The following SEMA5A variants were observed in gnomAD, a reference collection of about 807,000 sequenced individuals.
SEMA5A encodes the protein semaphorin-5A.
Under a neutral mutation model 135.5 loss-of-function variants are expected in SEMA5A, and 55 were observed. The ratio of observed to expected loss-of-function variants is 0.41; its 90% CI spans 0.33 to 0.51. The LOEUF (loss-of-function observed/expected upper bound fraction) is 0.51. Ranked by LOEUF, SEMA5A falls within the 20% of genes least tolerant of loss-of-function variation. The pLI is 0.37. For synonymous variants in SEMA5A, 580 were observed against 546.5 expected (o/e 1.06, Z -0.85); for missense variants, 1,290 against 1,419.9 (o/e 0.91, Z 1.47).
chr5:9,192,794 A>C (rs1329027310), intron 10 of SEMA5A, among the ~76,000 whole-genome samples: 1 of 152,214 alleles, frequency 6.6e-6, no homozygotes, highest in African/African-American at 2.4e-5. Context: ...GGTGATACCC[A>C]AGTCACGGCG....
chr5:9,140,449 T>C (rs1240004563), intron 12 of SEMA5A, among the ~76,000 whole-genome samples: 1 of 152,188 alleles, frequency 6.6e-6, no homozygotes, highest in East Asian at 1.9e-4. Flanking sequence ...TGTTGTTCTG[T>C]AGAAAAATGC....
At chr5:9,487,919 T>A (rs1020057608) in intron 1 of SEMA5A, among the ~76,000 whole-genome samples, 2 of 152,200 alleles carry the variant, frequency 1.3e-5, no homozygotes, top group African/African-American at 4.8e-5. Context: ...ATTTTTCTAA[T>A]ACTTATAATT....
chr5:9,375,029 T>C (rs751935021), intron 3 of SEMA5A, among the ~76,000 whole-genome samples: 11 of 152,178 alleles, frequency 7.2e-5, no homozygotes, highest in Non-Finnish European at 1.3e-4. Context: ...GGTTAAGTCA[T>C]GCTCTTTGAA....
chr5:9,305,040 T>C (rs1751793359), intron 5 of SEMA5A, among the ~76,000 whole-genome samples: 1 of 152,278 alleles, frequency 6.6e-6, no homozygotes, highest in African/African-American at 2.4e-5. Flanking sequence ...TACTCCAACC[T>C]GGACTGGTGG....
intron 2 of SEMA5A, among the ~76,000 whole-genome samples, chr5:9,407,974 GCCA>G (rs1384772264): frequency 7.6e-6 from 1 of 130,776 alleles, no homozygotes; most frequent in Non-Finnish European, 1.6e-5. Context: ...TACCACTATT[GCCA>G]CCATCACTAC....
chr5:9,506,209 AG>A (rs2126832750), intron 1 of SEMA5A, among the ~76,000 whole-genome samples: 1 of 152,346 alleles, frequency 6.6e-6, no homozygotes, highest in Non-Finnish European at 1.5e-5. Context: ...ACACTCTTTT[AG>A]CAGGCTATGT....
intron 5 of SEMA5A, among the ~76,000 whole-genome samples, chr5:9,263,896 T>C (rs1749538252): frequency 6.6e-6 from 1 of 152,226 alleles, no homozygotes; most frequent in Admixed American, 6.5e-5. Context: ...TGATGACGTA[T>C]CTTTTCTCAA....
At chr5:9,316,679 T>C (rs1752405057) in intron 5 of SEMA5A, among the ~76,000 whole-genome samples, 1 of 152,166 alleles carries the variant, frequency 6.6e-6, no homozygotes, top group African/African-American at 2.4e-5. Flanking sequence ...AAATAAAAAT[T>C]ATATATATTG....
intron 21 of SEMA5A, 130 bp downstream of exon 21, chr5:9,050,280 G>A (rs1223360354): frequency 2.6e-6 from 2 of 766,270 alleles, no homozygotes; most frequent in African/African-American, 1.8e-5. Flanking sequence ...TAGAATGCCT[G>A]GGATCCATGA....
intron 13 of SEMA5A, among the ~76,000 whole-genome samples, chr5:9,131,217 T>C (rs369028279): frequency 6.6e-6 from 1 of 152,178 alleles, no homozygotes; most frequent in African/African-American, 2.4e-5. Flanking sequence ...GGCATCTGCC[T>C]CTGGTCCTAC....
chr5:9,241,079 A>G (rs1748166208), intron 5 of SEMA5A, among the ~76,000 whole-genome samples: 1 of 152,154 alleles, frequency 6.6e-6, no homozygotes, highest in African/African-American at 2.4e-5. Flanking sequence ...TTTCAGCAGC[A>G]GACATATAGC....
At chr5:9,094,634 C>T (rs1505065) in intron 16 of SEMA5A, among the ~76,000 whole-genome samples, 7,402 of 152,160 alleles carry the variant, frequency 0.049, 186 homozygotes, top group Middle Eastern at 0.11. Context: ...GTGCGGAGCC[C>T]GAATAATTTT....
chr5:9,464,213 T>C lies in SEMA5A; in HGVS notation c.-174-26361A>G, dbSNP rs185094117. Among the ~76,000 whole-genome samples, 342 of 152,322 alleles carry C rather than the reference T, an allele frequency of 2.2e-3. 2 individuals are homozygous for C. Among genetic ancestry groups the C allele is most frequent in the African/African-American group, 7.8e-3 (323 of 41,576 alleles). On this transcript the variant is annotated intron_variant, in intron 1 of 22. Transcript: ENST00000382496. ...TGCCCCTGATTAAAAGCCACTGTGT[T>C]AGATCCATTTAATAGTATAACTTTC...
chr5:9,478,422 A>T lies in SEMA5A; in HGVS notation c.-174-40570T>A, dbSNP rs527532466. Among the ~76,000 whole-genome samples, 6 of 152,318 alleles carry T rather than the reference A, an allele frequency of 3.9e-5. No individual in the cohort carries two copies. In the East Asian group the frequency reaches 9.7e-4, roughly 25 times the overall value. On this transcript the variant is annotated intron_variant, in intron 1 of 22. Coordinates refer to ENST00000382496, the MANE Select transcript of SEMA5A (RefSeq NM_003966.3). ...TGACAGCTTGCACTGTGCACCTGGA[A>T]AAGCTGCAAGAACTCAATGTCAGCT...
chr5:9,122,795 G>C lies in SEMA5A; in HGVS notation c.1642C>G (p.Pro548Ala). The change falls in exon 14 of 23, where the codon CCG becomes GCG. Residue 548 changes from proline to alanine, a missense_variant. Pro to Ala is a conservative substitution (Grantham distance 27). This residue lies in a region of SEMA5A where 1,029 missense variants were observed against 1,086.6 expected (regional missense o/e 0.95). Coordinates refer to ENST00000382496, the MANE Select transcript of SEMA5A (RefSeq NM_003966.3). ...TVDGHFGVWS[P>A]WTPCTHTDGS... is the part of the protein sequence containing the mutation. ...TCTGTGTGCGTGCAAGGCGTCCACG[G>C]AGACCACACACCAAAGTGCCCATCC... is the stretch of plus-strand genomic sequence containing the variant. 1 of 1,611,464 alleles carries C rather than the reference G, an allele frequency of 6.2e-7. No individual in the cohort carries two copies. Among genetic ancestry groups the C allele is most frequent in the African/African-American group, 1.3e-5 (1 of 74,844 alleles).
intron 1 of SEMA5A, among the ~76,000 whole-genome samples, chr5:9,461,563 A>G (rs1291108475): frequency 1.3e-5 from 2 of 152,198 alleles, no homozygotes; most frequent in African/African-American, 4.8e-5. Context: ...GAGGCCCATC[A>G]TCTTCTGATT....
rs201518183 is a variant in SEMA5A at position 9,122,669 on chromosome 5, C to A, written c.1768G>T (p.Ala590Ser). The change falls in exon 14 of 23, where the codon GCC becomes TCC. Residue 590 changes from alanine to serine, a missense_variant. This residue lies in a region of SEMA5A where 1,029 missense variants were observed against 1,086.6 expected (regional missense o/e 0.95). Coordinates refer to ENST00000382496, the MANE Select transcript of SEMA5A (RefSeq NM_003966.3). ...WQCEGPGMEI[A>S]NCSRNGGWTP... Reference sequence around the variant, plus strand: ...TGAGCGGCACACCTGGAACAGTTGGCGATCTCCATGCCAGGGCCCTCGCAC... The same window carrying A: ...TGAGCGGCACACCTGGAACAGTTGGAGATCTCCATGCCAGGGCCCTCGCAC... 1.3e-6 allele frequency: 2 copies of A among 1,599,702 alleles called. No homozygotes were observed. Among genetic ancestry groups the A allele is most frequent in the South Asian group, 1.1e-5 (1 of 89,246 alleles).
intron 1 of SEMA5A, among the ~76,000 whole-genome samples, chr5:9,495,548 G>A (rs563937754): frequency 1.3e-5 from 2 of 152,162 alleles, no homozygotes; most frequent in South Asian, 2.1e-4. Context: ...GCAAGCCCTC[G>A]AATATGAAGG....
At chr5:9,526,729 C>A (rs1365626468) in intron 1 of SEMA5A, among the ~76,000 whole-genome samples, 1 of 152,168 alleles carries the variant, frequency 6.6e-6, no homozygotes, top group Non-Finnish European at 1.5e-5. Flanking sequence ...GAGACAGGGC[C>A]TGCAGGCAAT....
Sources: gnomAD v4.1 joint callset for allele counts (sites outside exome capture counted in the v4.1 genomes callset) on GRCh38, gnomAD v4.1.1 for gene constraint, gnomAD v4.1.1 regional missense constraint, MANE v1.5 for transcripts, NCBI Gene and HGNC (gene_info 2026-07-23, HGNC 2026-07-21) for gene names.